DHRS4L2: variants seen among roughly 807,000 people sequenced by gnomAD.
The protein encoded by DHRS4L2 is dehydrogenase/reductase 4 like 2.
Under a neutral mutation model 23.9 loss-of-function variants are expected in DHRS4L2, and 22 were observed. That is an observed-to-expected ratio of 0.92 (90% CI 0.66 to 1.31). The LOEUF (loss-of-function observed/expected upper bound fraction) is 1.31, where lower values mean the gene tolerates loss of function less well. Ranked by LOEUF, DHRS4L2 falls within the 40% of genes most tolerant of loss-of-function variation. The pLI is 0.00. For synonymous variants in DHRS4L2, 141 were observed against 123.7 expected (o/e 1.14, Z -0.93); for missense variants, 385 against 303.3 (o/e 1.27, Z -2.00).
rs1299726460 is a variant in DHRS4L2 at position 24,001,079 on chromosome 14, T to A, written c.526T>A (p.Ser176Thr). The A allele has an allele frequency of 1.2e-6, 2 of 1,610,918 alleles. No homozygotes were observed. The highest frequency in any genetic ancestry group is 1.7e-6 in the Non-Finnish European group (2 of 1,179,392). ...IVSSIAAFSP[S>T]PGFSPYNVSK... is the part of the protein sequence containing the mutation. ...GTCTTCCATAGCAGCCTTCAGTCCA[T>A]CTCCTGTAAGAACCCTTTTGTCTAC... The change falls in exon 5 of 8, where the codon TCT (serine) becomes ACT (threonine). Residue 176 changes from serine to threonine, a missense_variant. Ser to Thr is a moderately conservative substitution (Grantham distance 58). Transcript: ENST00000335125.
intron 1 of DHRS4L2, among the ~76,000 whole-genome samples, chr14:23,989,512 A>G (rs953203392): frequency 5.9e-5 from 9 of 151,670 alleles, no homozygotes; most frequent in African/African-American, 2.2e-4. Context: ...ATGGGACACC[A>G]GAGCCATGTG....
chr14:23,998,045 A>G (rs1190565581), intron 3 of DHRS4L2, among the ~76,000 whole-genome samples: 2 of 151,928 alleles, frequency 1.3e-5, no homozygotes, highest in Non-Finnish European at 2.9e-5. Context: ...TTGTGTTAGC[A>G]GGCATGAAAA....
intron 2 of DHRS4L2, among the ~76,000 whole-genome samples, chr14:23,992,788 C>G (rs2034296858): frequency 6.7e-6 from 1 of 149,216 alleles, no homozygotes; most frequent in Admixed American, 6.7e-5. Context: ...TGAACTCAAG[C>G]AATCCTCCCA....
chr14:23,994,836 A>G (rs949831948), intron 2 of DHRS4L2, among the ~76,000 whole-genome samples, 196 bp from the exon 3 acceptor site: 1 of 151,770 alleles, frequency 6.6e-6, no homozygotes, highest in Non-Finnish European at 1.5e-5. Context: ...TAATATAAAG[A>G]TAAGGTCTCG....
upstream of DHRS4L2, among the ~76,000 whole-genome samples, chr14:23,985,502 A>G (rs2034123906): frequency 6.6e-6 from 1 of 151,498 alleles, no homozygotes; most frequent in Admixed American, 6.6e-5. Flanking sequence ...TGCAAGACTT[A>G]AAATCCATCC....
chr14:23,990,038 T>A (rs182240901), intron 1 of DHRS4L2, 144 bp from the exon 2 acceptor site: 13 of 1,329,282 alleles, frequency 9.8e-6, no homozygotes, highest in Middle Eastern at 1.9e-4. Context: ...CCATTAAGCC[T>A]GTTTTACACA....
chr14:23,972,260 T>C (rs1358855449), intron 1 of DHRS4L2, among the ~76,000 whole-genome samples: 1 of 151,990 alleles, frequency 6.6e-6, no homozygotes, highest in African/African-American at 2.4e-5. Flanking sequence ...GTTCAGAGTT[T>C]CTTCCTTCTG....
chr14:23,983,278 A>G (rs2034084386), intron 1 of DHRS4L2, among the ~76,000 whole-genome samples: 1 of 151,836 alleles, frequency 6.6e-6, no homozygotes, highest in Admixed American at 6.6e-5. Context: ...AAACATGAAA[A>G]AAAGTTCATC....
chr14:23,994,314 T>C (rs2034331512), intron 2 of DHRS4L2, among the ~76,000 whole-genome samples: 1 of 151,452 alleles, frequency 6.6e-6, no homozygotes. Flanking sequence ...ATCATGAGAA[T>C]GAAGGAGCTT....
chr14:23,987,205 A>G (rs1470069863), upstream of DHRS4L2: 1 of 356,888 alleles, frequency 2.8e-6, no homozygotes, highest in South Asian at 2.0e-5. Context: ...ATCTTGGCTC[A>G]CTGCAAGCTC....
chr14:23,983,622 G>A (rs183593528), intron 1 of DHRS4L2, among the ~76,000 whole-genome samples: 1 of 151,692 alleles, frequency 6.6e-6, no homozygotes, highest in East Asian at 1.9e-4. Context: ...CAAAGACTTG[G>A]AACCAACCCA....
chr14:23,995,855 A>T (rs986603073), intron 3 of DHRS4L2, among the ~76,000 whole-genome samples: 1 of 151,802 alleles, frequency 6.6e-6, no homozygotes, highest in Non-Finnish European at 1.5e-5. Context: ...ATGATCTCCC[A>T]TGGTTCTGCG....
At chr14:23,986,983 C>A (rs4982828), upstream of DHRS4L2, among the ~76,000 whole-genome samples, 42,839 of 151,292 alleles carry the variant, frequency 0.28, 7,171 homozygotes, top group East Asian at 0.67. Context: ...AATTATACTG[C>A]AGCTCTCCTG....
chr14:23,973,383 C>A (rs1303334188), intron 1 of DHRS4L2, among the ~76,000 whole-genome samples: 1 of 151,914 alleles, frequency 6.6e-6, no homozygotes, highest in Non-Finnish European at 1.5e-5. Context: ...CACCTCCCTG[C>A]AATCTGAGGA....
intron 1 of DHRS4L2, among the ~76,000 whole-genome samples, chr14:23,989,591 T>G (rs2034223884): frequency 6.6e-6 from 1 of 151,576 alleles, no homozygotes; most frequent in African/African-American, 2.4e-5. Flanking sequence ...CCACCTCTCT[T>G]GTCAGTCCTG....
intron 1 of DHRS4L2, among the ~76,000 whole-genome samples, chr14:23,982,581 A>G (rs2034073444): frequency 6.6e-6 from 1 of 151,570 alleles, no homozygotes; most frequent in Non-Finnish European, 1.5e-5. Context: ...TAACCAAGAC[A>G]GCATGGTAAT....
upstream of DHRS4L2, among the ~76,000 whole-genome samples, chr14:23,988,040 G>T (rs1368255764): frequency 6.6e-6 from 1 of 151,662 alleles, no homozygotes; most frequent in Non-Finnish European, 1.5e-5. Flanking sequence ...GTAATTTACA[G>T]ATGAAGAGTC....
At chr14:23,998,632 C>T (rs1055018070) in intron 3 of DHRS4L2, among the ~76,000 whole-genome samples, 4 of 151,672 alleles carry the variant, frequency 2.6e-5, no homozygotes, top group East Asian at 1.9e-4. Context: ...CCAACTTTTC[C>T]GGAGCTTCTT....
At chr14:23,971,337 C>T (rs985232068) in intron 1 of DHRS4L2, among the ~76,000 whole-genome samples, 1 of 151,888 alleles carries the variant, frequency 6.6e-6, no homozygotes, top group African/African-American at 2.4e-5. Flanking sequence ...AACCACAGTA[C>T]AAGAACTTCA....
Sources: gnomAD v4.1 joint callset for allele counts (sites outside exome capture counted in the v4.1 genomes callset) on GRCh38, gnomAD v4.1.1 for gene constraint, MANE v1.5 for transcripts, NCBI Gene and HGNC (gene_info 2026-07-23, HGNC 2026-07-21) for gene names.